The following MRPS35 variants were observed in gnomAD, a reference collection of about 807,000 sequenced individuals.
MRPS35 encodes the protein mitochondrial ribosomal protein S35.
In MRPS35, 29 loss-of-function variants were observed where a neutral mutation model predicts 32.7. The observed-to-expected ratio is 0.89, with a 90% CI of 0.66 to 1.21. MRPS35 has a LOEUF of 1.21. Ranked by LOEUF, MRPS35 falls within the 50% of genes most tolerant of loss-of-function variation. MRPS35 has a pLI of 0.00. For synonymous variants in MRPS35, 148 were observed against 139.3 expected, an observed-to-expected ratio of 1.06 and a Z score of -0.44; for missense variants, 373 against 383.8, an observed-to-expected ratio of 0.97 and a Z score of 0.23.
At chr12:27,728,890 T>C (rs1032139336) in intron 5 of MRPS35, among the ~76,000 whole-genome samples, 1 of 152,154 alleles carries the variant, frequency 6.6e-6, no homozygotes, top group Non-Finnish European at 1.5e-5. Context: ...CAGTTAAATA[T>C]GTTTGGCAAG....
rs1044155431 is a variant in MRPS35 at position 27,726,252 on chromosome 12, G to C, written c.522+2066G>C. On this transcript the variant is annotated intron_variant, in intron 5 of 7. Coordinates refer to ENST00000081029, the MANE Select transcript of MRPS35 (RefSeq NM_021821.4). ...CCTATTCTTGATGTGTTACAGAAAT[G>C]GAACCATGCAATATGTTTTCTTTCA... 4.6e-5 allele frequency among the ~76,000 whole-genome samples: 7 copies of C among 152,126 alleles called. No individual in the cohort carries two copies. In the East Asian group the frequency reaches 1.2e-3, roughly 25 times the overall value.
At chr12:27,746,820 G>A (rs1474971584) in intron 7 of MRPS35, among the ~76,000 whole-genome samples, 2 of 152,090 alleles carry the variant, frequency 1.3e-5, no homozygotes, top group Non-Finnish European at 2.9e-5. Context: ...AAGTCTTTCG[G>A]TTTTCGCTTT....
Position 27,719,837 on chromosome 12 carries a change from A to G in MRPS35, c.351A>G (p.Val117=), listed in dbSNP as rs760980483. The change falls in exon 4 of 8, where the codon GTA becomes GTG. Residue 117 remains valine, a synonymous_variant. Transcript: ENST00000081029. ...CCAATTTTCTGCATTTGACTCCTGTAGCAATTAAAAAGCACTGTGAAGCCC... is the reference window on the plus strand; with the variant it reads ...CCAATTTTCTGCATTTGACTCCTGTGGCAATTAAAAAGCACTGTGAAGCCC... ...KIPNFLHLTP[V]AIKKHCEALK... 1.9e-6 allele frequency: 3 copies of G among 1,608,314 alleles called. No homozygotes were observed. The highest frequency in any genetic ancestry group is 2.6e-6 in the Non-Finnish European group (3 of 1,175,694).
At chr12:27,734,242 C>CTTTTTT (rs34818669) in intron 5 of MRPS35, among the ~76,000 whole-genome samples, 1 of 135,542 alleles carries the variant, frequency 7.4e-6, no homozygotes, top group Non-Finnish European at 1.6e-5. Context: ...AACCTATCTT[C>CTTTTTT]TTTTTTTTTT....
At position 27,714,835 on chromosome 12, in the gene MRPS35, T is replaced by C; in HGVS notation, c.153+15T>C. On this transcript the variant is annotated intron_variant, in intron 2 of 7. Transcript: ENST00000081029. ...CAAGAAGAAAGGTAAAAAGTTCGTA[T>C]ACTCTACTATCTTAATGGTTTCTGG... 6.2e-7 allele frequency: 1 copy of C among 1,605,802 alleles called. No individual in the cohort carries two copies. Among genetic ancestry groups the C allele is most frequent in the Non-Finnish European group, 8.5e-7 (1 of 1,173,172 alleles).
intron 1 of MRPS35, among the ~76,000 whole-genome samples, chr12:27,714,119 T>A (rs1021184026): frequency 2.0e-5 from 3 of 149,590 alleles, no homozygotes; most frequent in Admixed American, 1.3e-4. Flanking sequence ...AAAGAAAAAA[T>A]TCACCGTCAT....
intron 5 of MRPS35, among the ~76,000 whole-genome samples, chr12:27,725,066 G>A (rs2061894112): frequency 6.6e-6 from 1 of 152,122 alleles, no homozygotes; most frequent in Admixed American, 6.5e-5. Context: ...ACAGGTGTGA[G>A]ACACTGCCCA....
At chr12:27,727,608 AGTG>A (rs2061905694) in intron 5 of MRPS35, among the ~76,000 whole-genome samples, 1 of 152,140 alleles carries the variant, frequency 6.6e-6, no homozygotes, top group Non-Finnish European at 1.5e-5. Context: ...AATATTGTTA[AGTG>A]GCGTATGACA....
chr12:27,712,088 G>A (rs1323682225), intron 1 of MRPS35, among the ~76,000 whole-genome samples: 1 of 151,986 alleles, frequency 6.6e-6, no homozygotes, highest in Non-Finnish European at 1.5e-5. Context: ...GTGGCCACAG[G>A]ATGGTCAGGA....
At chr12:27,727,479 A>G (rs1402601972) in intron 5 of MRPS35, among the ~76,000 whole-genome samples, 1 of 152,132 alleles carries the variant, frequency 6.6e-6, no homozygotes, top group African/African-American at 2.4e-5. Context: ...TTTGTAGCCA[A>G]GGAGCAATTG....
At chr12:27,730,003 A>G (rs2061915496) in intron 5 of MRPS35, among the ~76,000 whole-genome samples, 1 of 152,236 alleles carries the variant, frequency 6.6e-6, no homozygotes, top group African/African-American at 2.4e-5. Flanking sequence ...TTTATTTTAG[A>G]ATAGTTTTTA....
At chr12:27,713,808 C>T (rs2061837850) in intron 1 of MRPS35, among the ~76,000 whole-genome samples, 1 of 152,118 alleles carries the variant, frequency 6.6e-6, no homozygotes, top group Non-Finnish European at 1.5e-5. Context: ...ACTATCATGG[C>T]TGGGCACAGT....
chr12:27,724,176 T>C lies in MRPS35; in HGVS notation c.512T>C (p.Val171Ala). 6.4e-7 allele frequency: 1 copy of C among 1,573,342 alleles called. No individual in the cohort carries two copies. The highest frequency in any genetic ancestry group is 8.6e-7 in the Non-Finnish European group (1 of 1,166,280). ...GTTCGGAACCCCAGAGCACGAGTAG[T>C]AGTCTTAAGAGTAAGAGTTTTTTTC... ...PSVRNPRARV[V>A]VLRVKLSSLN... The change falls in exon 5 of 8, where the codon GTA becomes GCA. Residue 171 changes from valine to alanine, a missense_variant. Val to Ala is a moderately conservative substitution (Grantham distance 64, BLOSUM62 0). Transcript: ENST00000081029.
chr12:27,732,412 G>GCCTT (rs1302661962), intron 5 of MRPS35, among the ~76,000 whole-genome samples: 3 of 152,252 alleles, frequency 2.0e-5, no homozygotes, highest in Admixed American at 6.5e-5. Flanking sequence ...AGCCTGTGAT[G>GCCTT]CCTTCATTGC....
At chr12:27,747,116 T>C (rs1294379046) in intron 7 of MRPS35, among the ~76,000 whole-genome samples, 3 of 152,238 alleles carry the variant, frequency 2.0e-5, no homozygotes, top group Non-Finnish European at 4.4e-5. Context: ...TCAGGAAATA[T>C]ACATTATATA....
chr12:27,735,619 G>A, intron 6 of MRPS35, 63 bp downstream of exon 6: 4 of 1,217,978 alleles, frequency 3.3e-6, no homozygotes, highest in South Asian at 2.6e-5. Context: ...CCAATTCCTT[G>A]GCAGTCCTTT....
intron 1 of MRPS35, 103 bp downstream of exon 1, chr12:27,711,058 G>A: frequency 9.6e-7 from 1 of 1,037,254 alleles, no homozygotes. Context: ...CCGCCCGGGG[G>A]AGGCCAGTGC....
At chr12:27,712,563 A>G (rs1168912237) in intron 1 of MRPS35, among the ~76,000 whole-genome samples, 2 of 152,124 alleles carry the variant, frequency 1.3e-5, no homozygotes, top group Admixed American at 1.3e-4. Flanking sequence ...TGTATTTGCG[A>G]TATATTTTGA....
At chr12:27,736,751 A>G (rs1478211182) in intron 6 of MRPS35, among the ~76,000 whole-genome samples, 2 of 152,220 alleles carry the variant, frequency 1.3e-5, no homozygotes, top group African/African-American at 2.4e-5. Flanking sequence ...ATTTTAAGTT[A>G]TTAGTTCCAT....
Sources: gnomAD v4.1 joint callset for allele counts (sites outside exome capture counted in the v4.1 genomes callset) on GRCh38, gnomAD v4.1.1 for gene constraint, MANE v1.5 for transcripts, NCBI Gene and HGNC (gene_info 2026-07-23, HGNC 2026-07-21) for gene names.